Variants in MSI2 observed in about 807,000 individuals in gnomAD.
The protein encoded by MSI2 is musashi RNA binding protein 2, also known as RNA-binding protein Musashi homolog 2.
A neutral mutation model predicts 45.6 loss-of-function variants in MSI2; 17 were observed. The ratio of observed to expected loss-of-function variants is 0.37; its 90% CI spans 0.26 to 0.56. MSI2 has a LOEUF of 0.56. MSI2 is among the 20% of genes least tolerant of loss of function. The pLI is 0.77. For synonymous variants in MSI2, 156 were observed against 158.2 expected, an observed-to-expected ratio of 0.99 and a Z score of 0.11; for missense variants, 293 against 444.2, an observed-to-expected ratio of 0.66 and a Z score of 3.06.
At chr17:57,556,432 A>T (rs1196122104) in intron 7 of MSI2, among the ~76,000 whole-genome samples, 2 of 152,236 alleles carry the variant, frequency 1.3e-5, no homozygotes, top group Non-Finnish European at 2.9e-5. Flanking sequence ...TCAGTTAGAA[A>T]TGTAAGAATA....
At chr17:57,654,875 C>CT (rs996938125) in intron 11 of MSI2, among the ~76,000 whole-genome samples, 19 of 150,258 alleles carry the variant, frequency 1.3e-4, no homozygotes, top group African/African-American at 4.6e-4. Flanking sequence ...ATGGACGGCC[C>CT]TTTTTTTGTC....
chr17:57,503,345 C>T (rs1430182345), intron 6 of MSI2, among the ~76,000 whole-genome samples: 1 of 152,150 alleles, frequency 6.6e-6, no homozygotes, highest in Non-Finnish European at 1.5e-5. Context: ...TTAAAAATGT[C>T]ATTACACACA....
intron 5 of MSI2, among the ~76,000 whole-genome samples, chr17:57,400,787 G>C (rs971497655): frequency 6.6e-6 from 1 of 152,056 alleles, no homozygotes; most frequent in Non-Finnish European, 1.5e-5. Context: ...GGGATCTGGG[G>C]ATTAGCTGGG....
intron 5 of MSI2, among the ~76,000 whole-genome samples, chr17:57,392,301 G>GTA (rs1465262579): frequency 6.6e-6 from 1 of 152,088 alleles, no homozygotes; most frequent in East Asian, 1.9e-4. Context: ...AGAGGAAGTA[G>GTA]TATTTTTTAA....
chr17:57,438,860 GGCGCAGGTT>G (rs2084741941), intron 6 of MSI2, among the ~76,000 whole-genome samples: 1 of 151,148 alleles, frequency 6.6e-6, no homozygotes, highest in Non-Finnish European at 1.5e-5. Flanking sequence ...GGAGTGCAAT[GGCGCAGGTT>G]GCTCACTGCA....
chr17:57,444,267 T>C (rs1275393513), intron 6 of MSI2, among the ~76,000 whole-genome samples: 3 of 152,088 alleles, frequency 2.0e-5, no homozygotes, highest in Admixed American at 6.6e-5. Context: ...GCAGATTCTA[T>C]TATCTGCTCT....
At chr17:57,520,981 T>C (rs2086572208) in intron 6 of MSI2, among the ~76,000 whole-genome samples, 1 of 152,104 alleles carries the variant, frequency 6.6e-6, no homozygotes, top group South Asian at 2.1e-4. Flanking sequence ...GAGGAGAAAT[T>C]ATGTAGACTT....
At chr17:57,646,332 T>A (rs1910656370) in intron 10 of MSI2, among the ~76,000 whole-genome samples, 1 of 152,172 alleles carries the variant, frequency 6.6e-6, no homozygotes, top group Admixed American at 6.5e-5. Context: ...AAAAGCACCA[T>A]TGACTTCTAA....
rs191850876 is a variant in MSI2 at position 57,449,317 on chromosome 17, G to A, written c.405+47846G>A. The A allele has an allele frequency of 1.4e-4, 21 of 152,288 alleles. No homozygotes were observed. In the East Asian group the frequency reaches 3.7e-3, roughly 27 times the overall value. 9.4% of individuals were successfully genotyped at this position (152,288 alleles called of 1,614,324 possible). A position where few individuals can be genotyped will look rare whatever the true frequency, so the allele number is the denominator to read the frequency against. On this transcript the variant is annotated intron_variant, in intron 6 of 13. Coordinates refer to ENST00000284073, the MANE Select transcript of MSI2 (RefSeq NM_138962.4). ...TTCTCCAACCCTGTCATGGTTCATA[G>A]CCCCAAAGTGACAGATCTTCCACAC... is the stretch of plus-strand genomic sequence containing the variant.
chr17:57,579,789 G>A (rs574931691), intron 7 of MSI2, among the ~76,000 whole-genome samples: 59 of 152,290 alleles, frequency 3.9e-4, no homozygotes, highest in African/African-American at 1.3e-3. Context: ...AGGCTTCGGT[G>A]TACTCTCTCC....
intron 5 of MSI2, among the ~76,000 whole-genome samples, chr17:57,330,990 C>T (rs1487396317): frequency 6.6e-6 from 1 of 151,948 alleles, no homozygotes; most frequent in Non-Finnish European, 1.5e-5. Flanking sequence ...TCACTGCAAC[C>T]TCCACCTCCT....
intron 5 of MSI2, among the ~76,000 whole-genome samples, chr17:57,330,326 C>T (rs1914138228): frequency 6.7e-6 from 1 of 149,686 alleles, no homozygotes; most frequent in African/African-American, 2.5e-5. Flanking sequence ...ACTCTGTTGT[C>T]CAGGCTGGAG....
chr17:57,274,277 C>G (rs1430996226), intron 5 of MSI2: 1 of 152,202 alleles, frequency 6.6e-6, no homozygotes, highest in Non-Finnish European at 1.5e-5. Context: ...GGTGTTCTAG[C>G]TGAGCGTTTA....
chr17:57,348,706 C>T (rs1157576292), intron 5 of MSI2, among the ~76,000 whole-genome samples: 1 of 152,108 alleles, frequency 6.6e-6, no homozygotes, highest in Non-Finnish European at 1.5e-5. Context: ...CCTGAAGAAC[C>T]GCGAGCCAAA....
At position 57,256,920 on chromosome 17, in the gene MSI2, C is replaced by T. The variant is rs1598032354; in HGVS notation, c.62+116C>T. ...GCGCCCCCCCGCCTCTCCCGCGCGC[C>T]CCCCCCGTGGAAGTTACACACCTTT... On this transcript the variant is annotated intron_variant, in intron 1 of 13. Transcript: ENST00000284073. 14 of 390,942 alleles carry T rather than the reference C, an allele frequency of 3.6e-5. No individual in the cohort carries two copies. The East Asian group carries it at 7.1e-4, about 20-fold the overall frequency. 24.2% of individuals were successfully genotyped at this position (390,942 alleles called of 1,614,324 possible). A position where few individuals can be genotyped will look rare whatever the true frequency, so the allele number is the denominator to read the frequency against.
rs562386196 is a variant in MSI2 at position 57,674,955 on chromosome 17, G to T, written c.791-17G>T. On this transcript the variant is annotated splice_polypyrimidine_tract_variant and intron_variant, in intron 11 of 13. Transcript: ENST00000284073. ...ACAGTGCTCAACCGAATTTTGGCGC[G>T]CCCGCTTCCCCGGCAGGCTCCAACC... The T allele has an allele frequency of 6.2e-7, 1 of 1,612,520 alleles. No homozygotes were observed. Among genetic ancestry groups the T allele is most frequent in the South Asian group, 1.1e-5 (1 of 90,898 alleles).
intron 6 of MSI2, among the ~76,000 whole-genome samples, chr17:57,462,633 G>C (rs1289918680): frequency 6.6e-6 from 1 of 152,194 alleles, no homozygotes; most frequent in Non-Finnish European, 1.5e-5. Context: ...AAATATTCCA[G>C]CACAGAGCAG....
Position 57,606,898 on chromosome 17 carries a change from G to C in MSI2, c.538-9072G>C, listed in dbSNP as rs960091257. ...AGGGCTGTGTGAGGTGGGGTGATGG[G>C]GGGGGGTGGCTGGCAGCCAGAGACC... On this transcript the variant is annotated intron_variant, in intron 8 of 13. Coordinates refer to ENST00000284073, the MANE Select transcript of MSI2 (RefSeq NM_138962.4). Among the ~76,000 whole-genome samples, 36 of 152,066 alleles carry C rather than the reference G, an allele frequency of 2.4e-4. No homozygotes were observed. The South Asian group carries it at 3.1e-3, about 13-fold the overall frequency.
intron 7 of MSI2, among the ~76,000 whole-genome samples, chr17:57,593,218 C>T (rs1159040906): frequency 6.6e-6 from 1 of 152,182 alleles, no homozygotes; most frequent in East Asian, 1.9e-4. Context: ...AGGTTGCGTG[C>T]AGCCCCCCTG....
Sources: gnomAD v4.1 joint callset for allele counts (sites outside exome capture counted in the v4.1 genomes callset) on GRCh38, gnomAD v4.1.1 for gene constraint, MANE v1.5 for transcripts, NCBI Gene and HGNC (gene_info 2026-07-23, HGNC 2026-07-21) for gene names.